ANKRD36C: variants seen among roughly 807,000 people sequenced by gnomAD.
The protein encoded by ANKRD36C is ankyrin repeat domain 36C.
A neutral mutation model predicts 276.4 loss-of-function variants in ANKRD36C; 61 were observed. The ratio of observed to expected loss-of-function variants is 0.22; its 90% CI spans 0.18 to 0.27. The LOEUF is 0.27. ANKRD36C is among the 10% of genes least tolerant of loss of function. ANKRD36C has a pLI of 1.00. For missense variants in ANKRD36C, 1,447 were observed against 2,032.3 expected, an observed-to-expected ratio of 0.71 and a Z score of 5.54; for synonymous variants, 483 against 680.1, an observed-to-expected ratio of 0.71 and a Z score of 4.51.
intron 6 of ANKRD36C, among the ~76,000 whole-genome samples, chr2:95,976,099 G>C (rs566663738): frequency 6.6e-6 from 1 of 152,300 alleles, no homozygotes; most frequent in East Asian, 1.9e-4. Context: ...ACACCAGTTA[G>C]AATGGCGATC....
chr2:95,913,852 A>T (rs925783752), intron 40 of ANKRD36C, among the ~76,000 whole-genome samples: 1 of 151,590 alleles, frequency 6.6e-6, no homozygotes, highest in Admixed American at 6.6e-5. Flanking sequence ...TGTTCCCCAG[A>T]GCCCCTTATG....
At chr2:95,946,175 A>T (rs1573792352) in intron 17 of ANKRD36C, among the ~76,000 whole-genome samples, 1 of 150,634 alleles carries the variant, frequency 6.6e-6, no homozygotes, top group East Asian at 1.9e-4. Context: ...AAAAAAAAAA[A>T]AAACAATAAA....
At chr2:95,851,112 G>T (rs1675283236), downstream of ANKRD36C, 3 of 1,468,424 alleles carry the variant, frequency 2.0e-6, no homozygotes, top group African/African-American at 2.7e-5. Context: ...ACTACTTAGA[G>T]TTTATTTCAG....
At chr2:95,850,123 C>T (rs1298585990), downstream of ANKRD36C, among the ~76,000 whole-genome samples, 1 of 152,302 alleles carries the variant, frequency 6.6e-6, no homozygotes, top group Non-Finnish European at 1.5e-5. Context: ...TATGCAATTA[C>T]TATTAAATAT....
chr2:95,946,181 A>AAAAAAAAC (rs1678044972), intron 17 of ANKRD36C, among the ~76,000 whole-genome samples: 1 of 150,300 alleles, frequency 6.7e-6, no homozygotes, highest in Non-Finnish European at 1.5e-5. Flanking sequence ...AAAAAAAACA[A>AAAAAAAAC]TAAAATTCCA....
intron 56 of ANKRD36C, among the ~76,000 whole-genome samples, 178 bp downstream of exon 76, chr2:95,882,124 A>C (rs1676097510): frequency 6.7e-6 from 1 of 148,902 alleles, no homozygotes. Flanking sequence ...TGTTACTAAG[A>C]TCATGGCCAA....
intron 46 of ANKRD36C, 138 bp downstream of exon 66, chr2:95,891,527 A>G: frequency 8.2e-7 from 1 of 1,214,958 alleles, no homozygotes; most frequent in Non-Finnish European, 1.1e-6. Flanking sequence ...TCACCCAAGA[A>G]CTTATTTGAA....
intron 40 of ANKRD36C, among the ~76,000 whole-genome samples, chr2:95,913,778 G>C (rs62153698): frequency 1.3e-5 from 2 of 151,360 alleles, no homozygotes; most frequent in Non-Finnish European, 3.0e-5. Context: ...TAAATTCTAT[G>C]CTTCCTCTCT....
downstream of ANKRD36C, among the ~76,000 whole-genome samples, chr2:95,850,169 T>C (rs557676782): frequency 3.9e-5 from 6 of 152,306 alleles, no homozygotes; most frequent in Non-Finnish European, 7.3e-5. Context: ...TTCATTATCA[T>C]GGCAGTTAAG....
chr2:95,946,972 G>A (rs1678070043), intron 17 of ANKRD36C, among the ~76,000 whole-genome samples: 1 of 151,924 alleles, frequency 6.6e-6, no homozygotes, highest in African/African-American at 2.4e-5. Context: ...GATGGCACAT[G>A]TATACATATG....
chr2:95,925,667 T>C lies in ANKRD36C; in HGVS notation c.1940-120A>G. On this transcript the variant is annotated intron_variant, in intron 28 of 66. Transcript: ENST00000456556. ...ACCTGCACTAGTGTAGGATTTGATG[T>C]TTTACAGTTTGTGTCTTTGGGACAG... 3 of 1,131,686 alleles carry C rather than the reference T, an allele frequency of 2.7e-6. No individual in the cohort carries two copies. The South Asian group carries it at 5.0e-5, about 19-fold the overall frequency. The allele number at this position is 1,131,686 out of a possible 1,614,324, so 70.1% of individuals were successfully genotyped here.
intron 6 of ANKRD36C, among the ~76,000 whole-genome samples, chr2:95,972,476 C>A (rs1678719364): frequency 6.6e-6 from 1 of 152,170 alleles, no homozygotes; most frequent in Admixed American, 6.5e-5. Context: ...CCTGGCTTCC[C>A]CAAGACTTGC....
At chr2:95,908,325 G>C (rs1036626929) in intron 42 of ANKRD36C, among the ~76,000 whole-genome samples, 177 bp downstream of exon 48, 2 of 150,918 alleles carry the variant, frequency 1.3e-5, no homozygotes, top group Non-Finnish European at 3.0e-5. Context: ...TTACGGCGAA[G>C]ATCATGTTCC....
In ANKRD36C at chr2:95,972,752, C is replaced by T. The variant is rs1414557225; in HGVS notation, c.799+5370G>A. Among the ~76,000 whole-genome samples the T allele has an allele frequency of 6.6e-5, 10 of 152,018 alleles. No homozygotes were observed. The East Asian group carries it at 1.5e-3, about 24-fold the overall frequency. On this transcript the variant is annotated intron_variant, in intron 6 of 66. Coordinates refer to ENST00000456556, the Ensembl canonical transcript of ANKRD36C. ...GTTGCCTTTGAGATTCCTGTATTTC[C>T]GCATGAATAAATCCATAAAGGAATA...
At position 95,880,674 on chromosome 2, in the gene ANKRD36C, C is replaced by A; in HGVS notation, c.3368-51G>T. Reference sequence around the variant, plus strand: ...CAATCATATGTAAATATGGTAAGGCCAACCATACATTTGTGGAGTGTTAAC... The same window carrying A: ...CAATCATATGTAAATATGGTAAGGCAAACCATACATTTGTGGAGTGTTAAC... On this transcript the variant is annotated intron_variant, in intron 56 of 66. Coordinates refer to ENST00000456556, the Ensembl canonical transcript of ANKRD36C. The A allele has an allele frequency of 3.3e-6, 5 of 1,514,438 alleles. 1 individual carries two copies. The South Asian group carries it at 6.0e-5, about 18-fold the overall frequency. 93.8% of individuals were successfully genotyped at this position (1,514,438 alleles called of 1,614,324 possible).
In ANKRD36C at chr2:95,910,236, C is replaced by T. The variant is rs896598633; in HGVS notation, c.2653+2008G>A. 1.9e-5 allele frequency: 20 copies of T among 1,074,740 alleles called. No homozygotes were observed. The African/African-American group carries it at 3.2e-4, about 17-fold the overall frequency. 66.6% of individuals were successfully genotyped at this position (1,074,740 alleles called of 1,614,324 possible). A position where few individuals can be genotyped will look rare whatever the true frequency, so the allele number is the denominator to read the frequency against. The stretch of plus-strand genomic sequence containing the variant: ...CAGCAGCATCAGCATCACCCAACAA[C>T]TTACTACAAATGAAGAATCTCCGGC... On this transcript the variant is annotated intron_variant, in intron 42 of 66. Transcript: ENST00000456556.
At chr2:95,961,012 G>A (rs67677775) in intron 8 of ANKRD36C, among the ~76,000 whole-genome samples, 2,828 of 129,446 alleles carry the variant, frequency 0.022, 45 homozygotes, top group South Asian at 0.029. Flanking sequence ...AATCAATGTC[G>A]AAGCAGGTGA....
At chr2:95,891,843 A>G (rs1045190189) in exon 45 of ANKRD36C, 25 of 1,563,090 alleles carry the variant, frequency 1.6e-5, no homozygotes, top group Middle Eastern at 4.4e-4. Context: ...TTCAAGCCTG[A>G]TGGTTTCTCA....
At chr2:95,988,492 T>G (rs1428814269) in intron 1 of ANKRD36C, among the ~76,000 whole-genome samples, 1 of 151,946 alleles carries the variant, frequency 6.6e-6, no homozygotes, top group African/African-American at 2.4e-5. Flanking sequence ...CAGGTAAACA[T>G]GAAGTTGTTA....
Sources: allele counts gnomAD v4.1 joint callset (sites outside exome capture counted in the v4.1 genomes callset), GRCh38; gene constraint gnomAD v4.1.1; transcripts MANE v1.5; gene names NCBI Gene and HGNC (gene_info 2026-07-23, HGNC 2026-07-21).